DCAF4: variants seen among roughly 807,000 people sequenced by gnomAD.
DCAF4 encodes DDB1- and CUL4-associated factor 4.
In DCAF4, 37 loss-of-function variants were observed where a neutral mutation model predicts 60.9. The observed-to-expected ratio is 0.61, with a 90% CI of 0.47 to 0.80. The LOEUF is 0.80. Among genes scored for constraint, DCAF4 ranks in the 30% least tolerant of loss-of-function variants. The probability of loss-of-function intolerance (pLI) is 0.00; values close to 1 mark genes in which losing one functional copy is unlikely to be tolerated. For synonymous variants in DCAF4, 243 were observed against 254.8 expected (o/e 0.95, Z 0.44); for missense variants, 577 against 650.0 (o/e 0.89, Z 1.22).
At chr14:72,960,680 G>A, downstream of DCAF4, 1 of 1,065,290 alleles carries the variant, frequency 9.4e-7, no homozygotes, top group Non-Finnish European at 1.2e-6. Context: ...TACCTCAACA[G>A]GAGAAGTTGG....
chr14:72,953,732 A>AAAAATATATAT lies in DCAF4; in HGVS notation c.809-431_809-430insAAATATATATA, dbSNP rs1555527852. ...CTTAAAAAAAAAAAAAAAAAAAAAA[A>AAAAATATATAT]ATATATATATATATATATATATATA... On this transcript the variant is annotated intron_variant, in intron 9 of 13. Coordinates refer to ENST00000358377, the MANE Select transcript of DCAF4 (RefSeq NM_015604.4). 1.4e-4 allele frequency among the ~76,000 whole-genome samples: 3 copies of AAAAATATATAT among 21,780 alleles called. 1 individual carries two copies. The highest frequency in any genetic ancestry group is 7.0e-4 in the African/African-American group (3 of 4,294). The allele number at this position is 21,780 out of a possible 152,430, so 14.3% of individuals were successfully genotyped here.
At chr14:72,952,584 T>G (rs1311092378) in intron 9 of DCAF4, among the ~76,000 whole-genome samples, 1 of 152,152 alleles carries the variant, frequency 6.6e-6, no homozygotes, top group Non-Finnish European at 1.5e-5. Context: ...AAAAGTAATT[T>G]TTAGTGTTGG....
intron 12 of DCAF4, among the ~76,000 whole-genome samples, chr14:72,956,137 G>A (rs1892266445): frequency 6.6e-6 from 1 of 151,896 alleles, no homozygotes; most frequent in Non-Finnish European, 1.5e-5. Flanking sequence ...TGGTCAGGCT[G>A]GTCTCGAACT....
rs548741983 is a variant in DCAF4 at position 72,939,550 on chromosome 14, C to T, written c.93-252C>T. 2.4e-4 allele frequency among the ~76,000 whole-genome samples: 37 copies of T among 152,038 alleles called. 1 individual carries two copies. Among genetic ancestry groups the T allele is most frequent in the East Asian group, 3.8e-4 (2 of 5,200 alleles). On this transcript the variant is annotated intron_variant, in intron 2 of 13. Transcript: ENST00000358377. Reference sequence around the variant, plus strand: ...ATTCCACAAGACCTCACAAAATGCGCGAGTGAGAAGATAAGAAGAGGGAAT... The same window carrying T: ...ATTCCACAAGACCTCACAAAATGCGTGAGTGAGAAGATAAGAAGAGGGAAT...
At chr14:72,956,300 C>A in intron 12 of DCAF4, 86 bp from the exon 13 acceptor site, 1 of 1,010,318 alleles carries the variant, frequency 9.9e-7, no homozygotes, top group Non-Finnish European at 1.4e-6. Context: ...CCACTGGAGA[C>A]CACCTTGCCT....
intron 13 of DCAF4, chr14:72,957,435 T>C (rs1414984980): frequency 2.0e-5 from 3 of 152,368 alleles, no homozygotes; most frequent in African/African-American, 7.2e-5. Context: ...TTCTCAGTCT[T>C]CAAGAATTGT....
At chr14:72,941,460 C>G (rs1175417746) in intron 4 of DCAF4, among the ~76,000 whole-genome samples, 1 of 152,190 alleles carries the variant, frequency 6.6e-6, no homozygotes, top group Non-Finnish European at 1.5e-5. Context: ...AGTCCCATTG[C>G]TGCACTCACG....
chr14:72,954,411 C>G lies in DCAF4; in HGVS notation c.933C>G (p.Thr311=). The change falls in exon 11 of 14, where the codon ACC becomes ACG. Residue 311 remains threonine (T), a synonymous_variant. Transcript: ENST00000358377. The part of the protein sequence containing the change: ...STGLSRRVLL[T]NVVTGHRQSF... ...GCTTGTCTCGGCGGGTCCTGTTGAC[C>G]AACGTGGTGACGGGACACCGGCAGT... The G allele has an allele frequency of 6.2e-7, 1 of 1,614,124 alleles. No homozygotes were observed.
At chr14:72,959,818 C>G (rs1419928619), downstream of DCAF4, 2 of 291,816 alleles carry the variant, frequency 6.9e-6, no homozygotes, top group Non-Finnish European at 1.0e-5. Flanking sequence ...AGACTCACCT[C>G]TGGACTAGGT....
chr14:72,940,255 C>T lies in DCAF4; in HGVS notation c.229C>T (p.Arg77Cys), dbSNP rs768111454. The change falls in exon 4 of 14, where the codon CGC becomes TGC. Residue 77 changes from arginine to cysteine, a missense_variant. By Grantham distance (180) the Arg-to-Cys change is radical. Transcript: ENST00000358377. ...PGFYFDPEKK[R>C]YFRLLPGHNN... ...GTTTTACTTTGACCCTGAAAAGAAACGCTACTTCCGCTTGCTCCCTGGACA... is the reference window on the plus strand; with the variant it reads ...GTTTTACTTTGACCCTGAAAAGAAATGCTACTTCCGCTTGCTCCCTGGACA... 7.4e-6 allele frequency: 12 copies of T among 1,613,880 alleles called. No individual in the cohort carries two copies. The highest frequency in any genetic ancestry group is 3.3e-5 in the Admixed American group (2 of 59,920).
In DCAF4 at chr14:72,945,965, A is replaced by C; in HGVS notation, c.616A>C (p.Ser206Arg). 1 of 1,614,168 alleles carries C rather than the reference A, an allele frequency of 6.2e-7. No homozygotes were observed. Among genetic ancestry groups the C allele is most frequent in the Admixed American group, 1.7e-5 (1 of 60,014 alleles). Reference sequence around the variant, plus strand: ...CAAGTATGGTATCATCAACCTGCAAAGTCTGAAGACCCCTACGCTCAAGGT... The same window carrying C: ...CAAGTATGGTATCATCAACCTGCAACGTCTGAAGACCCCTACGCTCAAGGT... ...GSKYGIINLQ[S>R]LKTPTLKVFM... Residue 206 changes from serine (S) to arginine (R), a missense_variant, in exon 7 of 14, where the codon AGT becomes CGT. By Grantham distance (110) the Ser-to-Arg change is moderately radical (BLOSUM62 -1). Coordinates refer to ENST00000358377, the MANE Select transcript of DCAF4 (RefSeq NM_015604.4).
intron 9 of DCAF4, among the ~76,000 whole-genome samples, chr14:72,953,778 TTATTTGTGTGTGTGTGTG>T (rs1453439221): frequency 3.1e-5 from 1 of 32,390 alleles, no homozygotes; most frequent in Non-Finnish European, 6.4e-5. Flanking sequence ...ATTTATTTAT[TTATTTGTGTGTGTGTGTG>T]TGTGTGTGTG....
At chr14:72,943,435 T>C (rs1229458509) in intron 6 of DCAF4, among the ~76,000 whole-genome samples, 2 of 152,312 alleles carry the variant, frequency 1.3e-5, no homozygotes, top group South Asian at 2.1e-4. Context: ...ACAGTGGACC[T>C]GGGGACATCT....
intron 8 of DCAF4, among the ~76,000 whole-genome samples, chr14:72,948,553 C>CAA (rs1891029797): frequency 6.6e-6 from 1 of 152,062 alleles, no homozygotes; most frequent in Admixed American, 6.5e-5. Context: ...CTGCAGAAAG[C>CAA]AAAAACAAGA....
chr14:72,960,159 T>G (rs1029319597), downstream of DCAF4, among the ~76,000 whole-genome samples: 1 of 80,394 alleles, frequency 1.2e-5, no homozygotes, highest in Non-Finnish European at 3.2e-5. Context: ...AGAACCAAAT[T>G]TTTTTTTTTT....
chr14:72,937,743 A>G (rs1215273400), intron 1 of DCAF4, among the ~76,000 whole-genome samples: 2 of 152,066 alleles, frequency 1.3e-5, no homozygotes, highest in Non-Finnish European at 2.9e-5. Flanking sequence ...TCTGTGGGGT[A>G]GGAAACTATG....
chr14:72,955,070 C>T (rs979523519), intron 11 of DCAF4, among the ~76,000 whole-genome samples: 12 of 151,264 alleles, frequency 7.9e-5, no homozygotes, highest in Non-Finnish European at 1.3e-4. Flanking sequence ...AAGATCACAC[C>T]ACTGCACTCC....
At chr14:72,931,095 C>T (rs751509495) in intron 1 of DCAF4, among the ~76,000 whole-genome samples, 50 of 152,218 alleles carry the variant, frequency 3.3e-4, no homozygotes, top group Middle Eastern at 3.4e-3. Context: ...TTCTGGGTCC[C>T]TTGCATAATA....
intron 3 of DCAF4, 98 bp from the exon 4 acceptor site, chr14:72,940,122 A>C: frequency 6.7e-7 from 1 of 1,490,748 alleles, no homozygotes; most frequent in Non-Finnish European, 9.3e-7. Context: ...CAGAAAAGAC[A>C]GGCAGCCACG....
Sources: allele counts gnomAD v4.1 joint callset (sites outside exome capture counted in the v4.1 genomes callset), GRCh38; gene constraint gnomAD v4.1.1; transcripts MANE v1.5; gene names NCBI Gene and HGNC (gene_info 2026-07-23, HGNC 2026-07-21).